Variants in LUZP2 observed in about 807,000 individuals in gnomAD.
The protein encoded by LUZP2 is leucine zipper protein 2.
A neutral mutation model predicts 51.6 loss-of-function variants in LUZP2; 52 were observed. The observed-to-expected ratio is 1.01, with a 90% CI of 0.81 to 1.27. The LOEUF (loss-of-function observed/expected upper bound fraction) is 1.27, where lower values mean the gene tolerates loss of function less well. Ranked by LOEUF, LUZP2 falls within the 50% of genes most tolerant of loss-of-function variation. The probability of loss-of-function intolerance (pLI) is 0.00; values close to 1 mark genes in which losing one functional copy is unlikely to be tolerated. For missense variants in LUZP2, 436 were observed against 395.4 expected (o/e 1.10, Z -0.87); for synonymous variants, 154 against 137.3 (o/e 1.12, Z -0.85).
At chr11:24,878,146 G>A (rs1390006621) in intron 5 of LUZP2, among the ~76,000 whole-genome samples, 1 of 89,722 alleles carries the variant, frequency 1.1e-5, no homozygotes, top group Non-Finnish European at 2.3e-5. Context: ...AGTAAGTTTT[G>A]TACCTTCAGG....
intron 5 of LUZP2, among the ~76,000 whole-genome samples, chr11:24,812,221 C>T (rs1352173509): frequency 6.6e-6 from 1 of 151,922 alleles, no homozygotes; most frequent in Non-Finnish European, 1.5e-5. Context: ...AACTTTTACA[C>T]AACATTTTCA....
At chr11:24,677,786 G>A (rs920256139) in intron 1 of LUZP2, among the ~76,000 whole-genome samples, 8 of 151,912 alleles carry the variant, frequency 5.3e-5, no homozygotes, top group East Asian at 1.9e-4. Context: ...GTGGTGGCTC[G>A]CACCTGTAAT....
chr11:24,907,921 T>A (rs1853509941), intron 6 of LUZP2, among the ~76,000 whole-genome samples: 1 of 152,168 alleles, frequency 6.6e-6, no homozygotes, highest in African/African-American at 2.4e-5. Flanking sequence ...TATTGAAATG[T>A]ATTGTAATAG....
chr11:24,523,170 A>G (rs974214651), intron 1 of LUZP2, among the ~76,000 whole-genome samples: 1 of 152,032 alleles, frequency 6.6e-6, no homozygotes, highest in African/African-American at 2.4e-5. Context: ...ATATCCTGCC[A>G]TTTAATTGCT....
intron 5 of LUZP2, among the ~76,000 whole-genome samples, chr11:24,820,861 T>C (rs1850337513): frequency 6.6e-6 from 1 of 152,130 alleles, no homozygotes; most frequent in Admixed American, 6.5e-5. Context: ...CCTCTTCAGA[T>C]GCTGTAGTCT....
At chr11:24,651,204 T>C (rs1855613343) in intron 1 of LUZP2, among the ~76,000 whole-genome samples, 1 of 152,164 alleles carries the variant, frequency 6.6e-6, no homozygotes, top group South Asian at 2.1e-4. Context: ...CCATAAACTA[T>C]ACTCTTGAAT....
intron 9 of LUZP2, among the ~76,000 whole-genome samples, chr11:24,993,849 T>C (rs1856419509): frequency 6.7e-6 from 1 of 148,200 alleles, no homozygotes; most frequent in East Asian, 2.1e-4. Flanking sequence ...AATATATTTT[T>C]CCATTTCTTT....
chr11:25,014,065 C>A (rs2133962469), intron 9 of LUZP2, among the ~76,000 whole-genome samples: 1 of 152,276 alleles, frequency 6.6e-6, no homozygotes, highest in South Asian at 2.1e-4. Context: ...CATGTCCCTA[C>A]AAAGGACATG....
chr11:24,713,078 T>C (rs529429832), intron 1 of LUZP2, among the ~76,000 whole-genome samples: 1 of 152,254 alleles, frequency 6.6e-6, no homozygotes, highest in African/African-American at 2.4e-5. Context: ...TCTGGGAGAT[T>C]CTCTTAGTTT....
chr11:24,746,002 G>T (rs1590439850), intron 4 of LUZP2, among the ~76,000 whole-genome samples: 1 of 152,168 alleles, frequency 6.6e-6, no homozygotes, highest in South Asian at 2.1e-4. Flanking sequence ...CTGCAGTTCG[G>T]TATCTTTTAA....
rs1565119134 is a variant in LUZP2 at position 24,926,329 on chromosome 11, A to ATATATATACGTGTG, written c.522+11799_522+11800insCGTGTGTATATATA. Reference sequence around the variant, plus strand: ...CGTGTGTATATATATACGTGTGTGTATATATATATACGTGTGTATATATAT... The same window carrying ATATATATACGTGTG: ...CGTGTGTATATATATACGTGTGTGTATATATATACGTGTGTATATATATACGTGTGTATATATAT... On this transcript the variant is annotated intron_variant, in intron 7 of 11. Transcript: ENST00000336930. 9.6e-3 allele frequency among the ~76,000 whole-genome samples: 221 copies of ATATATATACGTGTG among 23,108 alleles called. 4 individuals are homozygous for ATATATATACGTGTG. The highest frequency in any genetic ancestry group is 0.02 in the Admixed American group (43 of 2,188). 15.2% of individuals were successfully genotyped at this position (23,108 alleles called of 152,430 possible). A position where few individuals can be genotyped will look rare whatever the true frequency, so the allele number is the denominator to read the frequency against.
At chr11:24,693,374 A>G (rs531949588) in intron 1 of LUZP2, among the ~76,000 whole-genome samples, 8 of 151,774 alleles carry the variant, frequency 5.3e-5, no homozygotes, top group Non-Finnish European at 1.2e-4. Context: ...TTCATAAATG[A>G]TAGGATAGAG....
intron 1 of LUZP2, among the ~76,000 whole-genome samples, chr11:24,574,635 G>A (rs1483228224): frequency 6.6e-6 from 1 of 152,018 alleles, no homozygotes; most frequent in Non-Finnish European, 1.5e-5. Context: ...GGCATTTCTT[G>A]AGCACTGGGG....
chr11:24,932,398 G>C (rs372878078), intron 7 of LUZP2, among the ~76,000 whole-genome samples: 2 of 152,124 alleles, frequency 1.3e-5, no homozygotes, highest in African/African-American at 2.4e-5. Flanking sequence ...GCTACCACAG[G>C]GGGTAGAGAA....
At chr11:24,615,932 T>C (rs2133895379) in intron 1 of LUZP2, among the ~76,000 whole-genome samples, 1 of 151,848 alleles carries the variant, frequency 6.6e-6, no homozygotes, top group Admixed American at 6.6e-5. Context: ...CATTTTGTCA[T>C]GTGCTTAACT....
intron 5 of LUZP2, among the ~76,000 whole-genome samples, chr11:24,767,243 T>C (rs1860226423): frequency 2.6e-5 from 4 of 152,194 alleles, no homozygotes; most frequent in Admixed American, 2.6e-4. Flanking sequence ...TCAGCAGTTT[T>C]CCAGTAACTT....
chr11:24,738,620 G>A (rs1859026163), intron 4 of LUZP2, among the ~76,000 whole-genome samples: 1 of 152,014 alleles, frequency 6.6e-6, no homozygotes. Flanking sequence ...GTCACTGACT[G>A]TGAAGTAAAT....
intron 5 of LUZP2, among the ~76,000 whole-genome samples, chr11:24,841,102 A>G (rs1219678140): frequency 3.9e-5 from 6 of 151,970 alleles, no homozygotes; most frequent in Admixed American, 3.9e-4. Flanking sequence ...CCCAAAATTC[A>G]TATGTTAAAG....
At chr11:24,540,559 A>G (rs1439022951) in intron 1 of LUZP2, among the ~76,000 whole-genome samples, 2 of 152,164 alleles carry the variant, frequency 1.3e-5, no homozygotes, top group Non-Finnish European at 2.9e-5. Flanking sequence ...TGGACCACCC[A>G]GCATCCAGAA....
Sources: allele counts gnomAD v4.1 joint callset (sites outside exome capture counted in the v4.1 genomes callset), GRCh38; gene constraint gnomAD v4.1.1; transcripts MANE v1.5; gene names NCBI Gene and HGNC (gene_info 2026-07-23, HGNC 2026-07-21).